Variants in FNDC1 observed in about 807,000 individuals in gnomAD.
The protein encoded by FNDC1 is fibronectin type III domain containing 1, also known as fibronectin type III domain-containing protein 1.
Under a neutral mutation model 168.0 loss-of-function variants are expected in FNDC1, and 96 were observed. That is an observed-to-expected ratio of 0.57 (90% CI 0.48 to 0.68). The LOEUF (loss-of-function observed/expected upper bound fraction) is 0.68. Ranked by LOEUF, FNDC1 falls within the 30% of genes least tolerant of loss-of-function variation. The probability of loss-of-function intolerance (pLI) is 0.00; values close to 1 mark genes in which losing one functional copy is unlikely to be tolerated. For synonymous variants in FNDC1, 1,099 were observed against 1,025.9 expected (o/e 1.07, Z -1.36); for missense variants, 2,587 against 2,482.1 (o/e 1.04, Z -0.90).
Position 159,250,509 on chromosome 6 carries a change from A to G in FNDC1, c.4835-793A>G, listed in dbSNP as rs1301281973. Among the ~76,000 whole-genome samples, 3 of 152,318 alleles carry G rather than the reference A, an allele frequency of 2.0e-5. No homozygotes were observed. The East Asian group carries it at 5.8e-4, about 29-fold the overall frequency. ...AGAGTTTTGCATATATAAAGCCCCA[A>G]TCCCAAGTCCTTGGCATTTCTAATT... On this transcript the variant is annotated intron_variant, in intron 16 of 22. Transcript: ENST00000297267.
intron 1 of FNDC1, among the ~76,000 whole-genome samples, chr6:159,173,253 C>T (rs1267767658): frequency 1.4e-5 from 2 of 142,656 alleles, no homozygotes; most frequent in Non-Finnish European, 3.1e-5. Context: ...TGCTGTCCTG[C>T]ACCTCTGGGG....
At chr6:159,217,916 C>T (rs137936636) in intron 5 of FNDC1, among the ~76,000 whole-genome samples, 91 of 152,288 alleles carry the variant, frequency 6.0e-4, no homozygotes, top group Non-Finnish European at 9.7e-4. Flanking sequence ...GACTCAACCC[C>T]CTGAAGCCAC....
chr6:159,243,521 A>G (rs1783473924), intron 14 of FNDC1, among the ~76,000 whole-genome samples: 2 of 152,206 alleles, frequency 1.3e-5, no homozygotes, highest in South Asian at 2.1e-4. Context: ...TTCTTTGGTG[A>G]CATTTTTCAC....
chr6:159,237,711 T>G (rs1308461391), intron 12 of FNDC1, among the ~76,000 whole-genome samples: 1 of 152,236 alleles, frequency 6.6e-6, no homozygotes, highest in East Asian at 1.9e-4. Flanking sequence ...AAATAAACAT[T>G]CTTCACCCAA....
At chr6:159,183,198 A>G (rs1323723768) in intron 1 of FNDC1, among the ~76,000 whole-genome samples, 1 of 152,228 alleles carries the variant, frequency 6.6e-6, no homozygotes, top group Non-Finnish European at 1.5e-5. Context: ...TAAGTTTGAT[A>G]TTTGTAGAGA....
At chr6:159,217,659 C>A (rs1044606591) in intron 5 of FNDC1, among the ~76,000 whole-genome samples, 2 of 152,088 alleles carry the variant, frequency 1.3e-5, no homozygotes, top group Middle Eastern at 3.2e-3. Flanking sequence ...ACGGGCTGGC[C>A]GCATGGCATT....
At position 159,169,588 on chromosome 6, in the gene FNDC1, G is replaced by A. The variant is rs1583842162; in HGVS notation, c.-9G>A. The A allele has an allele frequency of 6.4e-6, 7 of 1,086,736 alleles. No individual in the cohort carries two copies. The African/African-American group carries it at 1.2e-4, about 18-fold the overall frequency. The allele number at this position is 1,086,736 out of a possible 1,614,324, so 67.3% of individuals were successfully genotyped here. ...CAAGCACCCAGCCCCGGCCCACCCC[G>A]GGCTCTCGATGGCCCCCGAGGCCGG... On this transcript the variant is annotated 5_prime_UTR_variant, in exon 1 of 23. Coordinates refer to ENST00000297267, the MANE Select transcript of FNDC1 (RefSeq NM_032532.3). This position sits in a 1 kb window ranked among gnomAD's most constrained non-coding sequence, Gnocchi z 6.8.
chr6:159,233,259 G>A lies in FNDC1; in HGVS notation c.2747G>A (p.Gly916Glu), dbSNP rs778811967. 1 of 1,613,944 alleles carries A rather than the reference G, an allele frequency of 6.2e-7. No individual in the cohort carries two copies. The highest frequency in any genetic ancestry group is 1.1e-5 in the South Asian group (1 of 91,082). The stretch of plus-strand genomic sequence containing the variant: ...GACTTAAGGAGAAGCCCGCAGAGAG[G>A]GGCCAGCCTGCATCGGAAGGAACCC... ...WEDLRRSPQRGASLHRKEPIP... is the reference protein window; with the variant it reads ...WEDLRRSPQREASLHRKEPIP... Residue 916 changes from glycine to glutamate, a missense_variant, in exon 11 of 23, where the codon GGG becomes GAG. Physicochemically the swap from Gly to Glu is moderately conservative, Grantham distance 98. Coordinates refer to ENST00000297267, the MANE Select transcript of FNDC1 (RefSeq NM_032532.3). The surrounding 1 kb of genome is among the most constrained non-coding windows in gnomAD (Gnocchi z 4.6).
At chr6:159,269,293 CA>C (rs1777672229) in intron 22 of FNDC1, among the ~76,000 whole-genome samples, 26 of 32,264 alleles carry the variant, frequency 8.1e-4, no homozygotes, top group African/African-American at 1.3e-3. Flanking sequence ...TCTATCTATC[CA>C]TCCATCCATC....
chr6:159,243,139 T>C (rs1220490086), intron 14 of FNDC1: 1 of 149,496 alleles, frequency 6.7e-6, no homozygotes, highest in Non-Finnish European at 1.5e-5. Context: ...CCTTAAGGTA[T>C]AGGCATTTTC....
rs561835012 is a variant in FNDC1, at chr6:159,234,321, G to A, written c.3809G>A (p.Ser1270Asn). The A allele has an allele frequency of 2.2e-5, 35 of 1,609,644 alleles. 1 individual carries two copies. The South Asian group carries it at 3.3e-4, about 15-fold the overall frequency. ...RLPPRSAATV[S>N]PVAGTHPWPQ... ...CCGCCTCGCAGCGCTGCCACCGTGA[G>A]CCCCGTCGCGGGCACCCACCCCTGG... is the stretch of plus-strand genomic sequence containing the variant. Residue 1270 changes from serine to asparagine, a missense_variant, in exon 11 of 23, where the codon AGC (serine) becomes AAC (asparagine). Transcript: ENST00000297267.
At chr6:159,201,130 A>G (rs1441612079) in intron 4 of FNDC1, among the ~76,000 whole-genome samples, 1 of 152,226 alleles carries the variant, frequency 6.6e-6, no homozygotes, top group Non-Finnish European at 1.5e-5. Flanking sequence ...AAGTGTTGAC[A>G]TTTCTTGTGT....
Position 159,239,734 on chromosome 6 carries a change from G to T in FNDC1, c.4398G>T (p.Pro1466=). 1 of 1,547,686 alleles carries T rather than the reference G, an allele frequency of 6.5e-7. No individual in the cohort carries two copies. Among genetic ancestry groups the T allele is most frequent in the Admixed American group, 2.0e-5 (1 of 50,870 alleles). ...CGCCCCTGCCTACCACTACAACCCC[G>T]AGGCCCACCACTGCCACCACCCGCC... ...TTTPLPTTTT[P]RPTTATTRRT... is the part of the protein sequence containing the mutation. The change falls in exon 14 of 23, where the codon CCG becomes CCT. Residue 1466 remains proline (P), a synonymous_variant. Coordinates refer to ENST00000297267, the MANE Select transcript of FNDC1 (RefSeq NM_032532.3).
At chr6:159,268,252 A>G (rs1297084828) in intron 22 of FNDC1, among the ~76,000 whole-genome samples, 1 of 152,122 alleles carries the variant, frequency 6.6e-6, no homozygotes, top group Non-Finnish European at 1.5e-5. Flanking sequence ...GGTGAAGACA[A>G]AATACACTAA....
chr6:159,194,114 T>G (rs550719574), intron 1 of FNDC1, among the ~76,000 whole-genome samples: 4 of 152,340 alleles, frequency 2.6e-5, no homozygotes, highest in African/African-American at 9.6e-5. Flanking sequence ...CTGTCTCCAC[T>G]CAAAGACAGT....
intron 14 of FNDC1, among the ~76,000 whole-genome samples, chr6:159,240,497 G>A (rs1002420443): frequency 3.3e-5 from 5 of 152,104 alleles, no homozygotes; most frequent in Admixed American, 2.6e-4. Flanking sequence ...TAGCATGTTC[G>A]GCAGCTGAGC....
chr6:159,200,455 A>T, intron 3 of FNDC1, 58 bp from the exon 4 acceptor site: 1 of 1,292,142 alleles, frequency 7.7e-7, no homozygotes, highest in Non-Finnish European at 1.1e-6. Context: ...ATGCACTGTA[A>T]TGTGGAAAAC....
rs149016932 is a variant in FNDC1 at position 159,180,553 on chromosome 6, T to C, written c.109+10848T>C. On this transcript the variant is annotated intron_variant, in intron 1 of 22. Transcript: ENST00000297267. Reference sequence around the variant, plus strand: ...CATAGGTAAATGTGTGCCATGGTGGTTTGCAGCACCTGTCAACCCATCACC... The same window carrying C: ...CATAGGTAAATGTGTGCCATGGTGGCTTGCAGCACCTGTCAACCCATCACC... 7.9e-4 allele frequency among the ~76,000 whole-genome samples: 121 copies of C among 152,210 alleles called. 1 individual carries two copies. In the East Asian group the frequency reaches 0.017, roughly 22 times the overall value.
intron 1 of FNDC1, among the ~76,000 whole-genome samples, chr6:159,194,396 A>G (rs1268651785): frequency 2.6e-5 from 4 of 152,206 alleles, no homozygotes; most frequent in African/African-American, 7.2e-5. Context: ...ATCCTATATC[A>G]TCTTCATTAG....
Sources: allele counts gnomAD v4.1 joint callset (sites outside exome capture counted in the v4.1 genomes callset), GRCh38; gene constraint gnomAD v4.1.1; non-coding constraint Gnocchi (gnomAD v3.1); transcripts MANE v1.5; gene names NCBI Gene and HGNC (gene_info 2026-07-23, HGNC 2026-07-21).